Variants in ARID5B observed in about 807,000 individuals in gnomAD.
ARID5B encodes AT-rich interactive domain-containing protein 5B.
In ARID5B, 13 loss-of-function variants were observed where a neutral mutation model predicts 97.2. The ratio of observed to expected loss-of-function variants is 0.13; its 90% CI spans 0.09 to 0.21. The LOEUF (loss-of-function observed/expected upper bound fraction) is 0.21, where lower values mean the gene tolerates loss of function less well. Ranked by LOEUF, ARID5B falls within the 10% of genes least tolerant of loss-of-function variation. The pLI is 1.00. For synonymous variants in ARID5B, 556 were observed against 570.3 expected, an observed-to-expected ratio of 0.97 and a Z score of 0.36; for missense variants, 1,210 against 1,465.3, an observed-to-expected ratio of 0.83 and a Z score of 2.84.
chr10:62,062,042 C>T (rs983795798), intron 7 of ARID5B, among the ~76,000 whole-genome samples: 1 of 152,146 alleles, frequency 6.6e-6, no homozygotes, highest in Non-Finnish European at 1.5e-5. Flanking sequence ...CAGTTTGCCA[C>T]CACTATTCTA....
At position 61,979,656 on chromosome 10, in the gene ARID5B, G is replaced by T. The variant is rs565102674; in HGVS notation, c.503-20435G>T. On this transcript the variant is annotated intron_variant, in intron 3 of 9. Transcript: ENST00000279873. ...AGCTCCAAGTCCTTAGCAAACCAGG[G>T]GTCTACCCTCTATCCAGGTCTGGCA... 3.9e-5 allele frequency among the ~76,000 whole-genome samples: 6 copies of T among 152,150 alleles called. No homozygotes were observed. In the East Asian group the frequency reaches 1.2e-3, roughly 29 times the overall value.
intron 4 of ARID5B, among the ~76,000 whole-genome samples, chr10:62,037,100 C>T (rs7907712): frequency 0.011 from 1,745 of 152,280 alleles, 37 homozygotes; most frequent in African/African-American, 0.04. Flanking sequence ...AATCTAGACT[C>T]TAATTTTTTA....
At chr10:61,958,970 C>T (rs1026117485) in intron 3 of ARID5B, among the ~76,000 whole-genome samples, 3 of 152,336 alleles carry the variant, frequency 2.0e-5, no homozygotes, top group Admixed American at 2.0e-4. Flanking sequence ...ATTATGAAGA[C>T]TGTCCAGGCC....
intron 3 of ARID5B, among the ~76,000 whole-genome samples, chr10:61,953,703 T>C (rs929727260): frequency 1.3e-5 from 2 of 152,214 alleles, no homozygotes; most frequent in African/African-American, 2.4e-5. Context: ...TCTGCTTTGA[T>C]TGCTTATCTA....
intron 4 of ARID5B, among the ~76,000 whole-genome samples, chr10:62,014,523 T>C (rs1048072250): frequency 7.2e-5 from 11 of 152,024 alleles, no homozygotes; most frequent in Non-Finnish European, 2.9e-5. Flanking sequence ...ATTTTGGAGG[T>C]ATATACTCTG....
intron 5 of ARID5B, among the ~76,000 whole-genome samples, chr10:62,056,179 C>T (rs983037747): frequency 4.6e-5 from 7 of 152,156 alleles, no homozygotes; most frequent in African/African-American, 9.7e-5. Context: ...GTTAGCCGCT[C>T]GATATGCCAA....
chr10:62,006,410 C>G (rs1839147601), intron 4 of ARID5B, among the ~76,000 whole-genome samples: 2 of 152,154 alleles, frequency 1.3e-5, no homozygotes, highest in African/African-American at 2.4e-5. Flanking sequence ...CCATTGTACT[C>G]CAGCCTGGGA....
intron 4 of ARID5B, among the ~76,000 whole-genome samples, chr10:62,045,544 G>C (rs1320880271): frequency 2.0e-5 from 3 of 151,692 alleles, no homozygotes; most frequent in Non-Finnish European, 2.9e-5. Flanking sequence ...ACCGCCTCCC[G>C]GGTTCAAGAG....
intron 3 of ARID5B, among the ~76,000 whole-genome samples, chr10:61,946,198 T>G (rs929254847): frequency 1.3e-5 from 2 of 151,996 alleles, no homozygotes; most frequent in African/African-American, 4.8e-5. Context: ...TAGCTGTAGT[T>G]TTTGCTTGGA....
rs1009666139 is a variant in ARID5B, at chr10:62,094,746, G to T, written c.*1716G>T. On this transcript the variant is annotated 3_prime_UTR_variant, in exon 10 of 10. Transcript: ENST00000279873. ...CCAAGTCCCATCCCTGCTGAAGACC[G>T]CTTGGATGAACTCCCCAACCCACTG... 11 of 231,338 alleles carry T rather than the reference G, an allele frequency of 4.8e-5. No homozygotes were observed. In the East Asian group the frequency reaches 6.1e-4, roughly 13 times the overall value. 14.3% of individuals were successfully genotyped at this position (231,338 alleles called of 1,614,324 possible).
intron 3 of ARID5B, among the ~76,000 whole-genome samples, chr10:61,976,993 A>T (rs914281961): frequency 6.6e-6 from 1 of 151,970 alleles, no homozygotes; most frequent in Non-Finnish European, 1.5e-5. Flanking sequence ...GTATCTCCTA[A>T]TGCTATCCCT....
At chr10:61,908,343 T>C (rs1267628009) in intron 2 of ARID5B, among the ~76,000 whole-genome samples, 1 of 152,202 alleles carries the variant, frequency 6.6e-6, no homozygotes, top group Non-Finnish European at 1.5e-5. Context: ...TCTAAAAATG[T>C]AAAAGCAATA....
At chr10:61,935,624 A>G (rs1844286909) in intron 2 of ARID5B, among the ~76,000 whole-genome samples, 1 of 152,182 alleles carries the variant, frequency 6.6e-6, no homozygotes, top group East Asian at 1.9e-4. Context: ...GTGAGGGACT[A>G]GTCTGTATCC....
intron 2 of ARID5B, among the ~76,000 whole-genome samples, chr10:61,934,952 G>A (rs1194310320): frequency 1.3e-5 from 2 of 151,390 alleles, no homozygotes; most frequent in Non-Finnish European, 2.9e-5. Context: ...GGCGGAGGTT[G>A]CAGTGAGCCG....
At chr10:61,906,118 T>A (rs1049803160) in intron 2 of ARID5B, among the ~76,000 whole-genome samples, 3 of 152,084 alleles carry the variant, frequency 2.0e-5, no homozygotes, top group Non-Finnish European at 4.4e-5. Context: ...TCAAGAGGAT[T>A]TATAGGCAAA....
At position 62,094,823 on chromosome 10, in the gene ARID5B, CT is replaced by C; in HGVS notation, c.*1797del. Reference sequence around the variant, plus strand: ...ACTTTAGAACCATAGTTAACTAAGTCTTTTACCTCTGAGATACTTAATTCTG... The same window carrying C: ...ACTTTAGAACCATAGTTAACTAAGTCTTTACCTCTGAGATACTTAATTCTG... On this transcript the variant is annotated 3_prime_UTR_variant, in exon 10 of 10. Coordinates refer to ENST00000279873, the MANE Select transcript of ARID5B (RefSeq NM_032199.3). 1 of 231,428 alleles carries C rather than the reference CT, an allele frequency of 4.3e-6. No homozygotes were observed. Among genetic ancestry groups the C allele is most frequent in the South Asian group, 1.8e-4 (1 of 5,518 alleles). The allele number at this position is 231,428 out of a possible 1,614,324, so 14.3% of individuals were successfully genotyped here.
chr10:61,961,746 C>T (rs1301190054), intron 3 of ARID5B, among the ~76,000 whole-genome samples: 1 of 151,958 alleles, frequency 6.6e-6, no homozygotes, highest in Non-Finnish European at 1.5e-5. Context: ...TTCTTTCTTT[C>T]TTTCTTTCTT....
At chr10:61,954,873 G>A (rs189291869) in intron 3 of ARID5B, among the ~76,000 whole-genome samples, 104 of 152,180 alleles carry the variant, frequency 6.8e-4, no homozygotes, top group African/African-American at 2.4e-3. Context: ...TGGCATGGTG[G>A]TGCATGCCTG....
At chr10:61,918,866 T>C (rs1843956126) in intron 2 of ARID5B, among the ~76,000 whole-genome samples, 1 of 152,158 alleles carries the variant, frequency 6.6e-6, no homozygotes, top group African/African-American at 2.4e-5. Flanking sequence ...AAACCCTGTC[T>C]GTACCAAAAA....
Sources: allele counts gnomAD v4.1 joint callset (sites outside exome capture counted in the v4.1 genomes callset), GRCh38; gene constraint gnomAD v4.1.1; transcripts MANE v1.5; gene names NCBI Gene and HGNC (gene_info 2026-07-23, HGNC 2026-07-21).